The following PACRG variants were observed in gnomAD, a reference collection of about 807,000 sequenced individuals.
PACRG encodes the protein parkin coregulated gene protein.
Under a neutral mutation model 29.7 loss-of-function variants are expected in PACRG, and 29 were observed. The observed-to-expected ratio is 0.98, with a 90% confidence interval of 0.73 to 1.33. The LOEUF is 1.33. PACRG is among the 40% of genes most tolerant of loss of function. The pLI, the probability that PACRG is intolerant of heterozygous loss-of-function variation, is 0.00. For synonymous variants in PACRG, 116 were observed against 118.7 expected (o/e 0.98, Z 0.15); for missense variants, 279 against 316.2 (o/e 0.88, Z 0.89).
intron 1 of PACRG, among the ~76,000 whole-genome samples, chr6:162,786,299 T>C (rs956249297): frequency 3.9e-5 from 6 of 152,198 alleles, no homozygotes; most frequent in Non-Finnish European, 5.9e-5. Flanking sequence ...AAAATGGAGA[T>C]TTGGTTAAGA....
At chr6:163,018,088 C>A (rs1266571541) in intron 2 of PACRG, among the ~76,000 whole-genome samples, 1 of 152,106 alleles carries the variant, frequency 6.6e-6, no homozygotes, top group East Asian at 1.9e-4. Context: ...GCATTTTCTG[C>A]ACACTTTTAG....
intron 3 of PACRG, among the ~76,000 whole-genome samples, chr6:163,064,501 G>A (rs182532076): frequency 7.4e-4 from 113 of 152,244 alleles, no homozygotes; most frequent in East Asian, 2.7e-3. Flanking sequence ...GGCTTTCAGC[G>A]CTTCTGCTAT....
chr6:163,226,496 G>A (rs2128161094), intron 4 of PACRG, among the ~76,000 whole-genome samples: 1 of 152,314 alleles, frequency 6.6e-6, no homozygotes, highest in African/African-American at 2.4e-5. Context: ...TGTCAGTTAG[G>A]CCTTAATAAC....
chr6:162,893,948 C>T (rs1275614710), intron 2 of PACRG, among the ~76,000 whole-genome samples: 1 of 152,216 alleles, frequency 6.6e-6, no homozygotes, highest in Non-Finnish European at 1.5e-5. Context: ...CAATCACGAA[C>T]TCAGTCATTC....
intron 4 of PACRG, chr6:163,312,759 T>C (rs1158010392): frequency 2.3e-6 from 1 of 440,474 alleles, no homozygotes; most frequent in East Asian, 7.7e-5. Context: ...TTTTGTTTTG[T>C]TTGTTTGTTT....
intron 4 of PACRG, among the ~76,000 whole-genome samples, chr6:163,174,191 T>C (rs1779232449): frequency 6.6e-6 from 1 of 152,172 alleles, no homozygotes; most frequent in South Asian, 2.1e-4. Flanking sequence ...GGGCCACACA[T>C]AAAATACATT....
At chr6:163,029,261 G>A (rs1807436818) in intron 2 of PACRG, among the ~76,000 whole-genome samples, 1 of 152,198 alleles carries the variant, frequency 6.6e-6, no homozygotes, top group African/African-American at 2.4e-5. Flanking sequence ...CCACCTTGAT[G>A]TCAGCCTGCG....
chr6:162,847,197 A>G (rs976988729), intron 2 of PACRG, among the ~76,000 whole-genome samples: 4 of 152,180 alleles, frequency 2.6e-5, no homozygotes, highest in African/African-American at 9.7e-5. Flanking sequence ...AGCCAGCTAT[A>G]TCCTCCCACT....
chr6:162,998,206 C>T (rs1040656175), intron 2 of PACRG, among the ~76,000 whole-genome samples: 7 of 152,204 alleles, frequency 4.6e-5, no homozygotes, highest in African/African-American at 1.7e-4. Context: ...TTTTCTAACC[C>T]ACCTTTTCCT....
intron 2 of PACRG, among the ~76,000 whole-genome samples, chr6:163,002,212 G>A (rs1004013972): frequency 4.6e-5 from 7 of 152,172 alleles, no homozygotes; most frequent in African/African-American, 1.7e-4. Flanking sequence ...CTAGTTGACA[G>A]CAAAGTAATA....
intron 4 of PACRG, among the ~76,000 whole-genome samples, chr6:163,240,168 G>A (rs1782440688): frequency 6.6e-6 from 1 of 152,026 alleles, no homozygotes; most frequent in African/African-American, 2.4e-5. Flanking sequence ...GCTCCCCGGG[G>A]CCGCACCTGT....
intron 2 of PACRG, among the ~76,000 whole-genome samples, chr6:162,978,553 C>T (rs1022111603): frequency 1.3e-5 from 2 of 152,066 alleles, no homozygotes; most frequent in Middle Eastern, 3.2e-3. Context: ...CAAATACACT[C>T]CCAGTTGTTG....
At chr6:163,153,388 A>G (rs1032683757) in intron 4 of PACRG, among the ~76,000 whole-genome samples, 1 of 152,228 alleles carries the variant, frequency 6.6e-6, no homozygotes, top group Non-Finnish European at 1.5e-5. Context: ...TGGAAATTCA[A>G]CTGGGGAGAT....
intron 4 of PACRG, among the ~76,000 whole-genome samples, chr6:163,138,673 TC>T (rs1562935287): frequency 1.3e-5 from 2 of 152,178 alleles, no homozygotes; most frequent in Non-Finnish European, 2.9e-5. Context: ...ACTGCTCACC[TC>T]CTGCTATGCA....
At position 163,062,434 on chromosome 6, in the gene PACRG, A is replaced by G. The variant is rs758669212; in HGVS notation, c.463+113A>G. 252 of 1,231,858 alleles carry G rather than the reference A, an allele frequency of 2.0e-4. 1 individual carries two copies. Among genetic ancestry groups the G allele is most frequent in the Non-Finnish European group, 2.7e-4 (246 of 911,932 alleles). 76.3% of individuals were successfully genotyped at this position (1,231,858 alleles called of 1,614,324 possible). ...TGAGGTGATCCCCAGTTTTGCAGGA[A>G]TTTTCATAAATTGACTTAGGAGGCC... On this transcript the variant is annotated intron_variant, in intron 3 of 4. Transcript: ENST00000366888.
In PACRG at chr6:162,765,495, C is replaced by T. The variant is rs914671181; in HGVS notation, c.156+37104C>T. Among the ~76,000 whole-genome samples the T allele has an allele frequency of 1.1e-4, 17 of 152,074 alleles. No homozygotes were observed. The East Asian group carries it at 1.2e-3, about 10-fold the overall frequency. On this transcript the variant is annotated intron_variant, in intron 1 of 4. Coordinates refer to ENST00000366888, the MANE Select transcript of PACRG (RefSeq NM_001080379.2). ...GTCTACATCTGCTGATCCACTTGACCGGTGACCTGTGTCCATTCCATGTGG... is the reference window on the plus strand; with the variant it reads ...GTCTACATCTGCTGATCCACTTGACTGGTGACCTGTGTCCATTCCATGTGG...
intron 2 of PACRG, among the ~76,000 whole-genome samples, chr6:162,947,610 T>TTA (rs1562767235): frequency 2.7e-4 from 13 of 48,204 alleles, no homozygotes; most frequent in East Asian, 1.9e-3. Context: ...ATATATATAA[T>TTA]CATATATATA....
chr6:162,763,338 C>T (rs1480040037), intron 1 of PACRG, among the ~76,000 whole-genome samples: 1 of 152,174 alleles, frequency 6.6e-6, no homozygotes, highest in African/African-American at 2.4e-5. Context: ...GGAGGCAAGA[C>T]CGCTGTCAGG....
chr6:162,727,519 G>T, upstream of PACRG: 1 of 913,044 alleles, frequency 1.1e-6, no homozygotes, highest in Non-Finnish European at 1.6e-6. Context: ...GAGCCCGGCG[G>T]CGCGGGCCGG....
Sources: gnomAD v4.1 joint callset for allele counts (sites outside exome capture counted in the v4.1 genomes callset) on GRCh38, gnomAD v4.1.1 for gene constraint, MANE v1.5 for transcripts, NCBI Gene and HGNC (gene_info 2026-07-23, HGNC 2026-07-21) for gene names.